Variants in DLGAP1 observed in about 807,000 individuals in gnomAD.
DLGAP1 encodes the protein DLG associated protein 1.
A neutral mutation model predicts 90.8 loss-of-function variants in DLGAP1; 11 were observed. The observed-to-expected ratio is 0.12, with a 90% CI of 0.08 to 0.20. The LOEUF is 0.20. Ranked by LOEUF, DLGAP1 falls within the 10% of genes least tolerant of loss-of-function variation. The pLI is 1.00. For synonymous variants in DLGAP1, 558 were observed against 540.7 expected, an observed-to-expected ratio of 1.03 and a Z score of -0.44; for missense variants, 1,050 against 1,333.8, an observed-to-expected ratio of 0.79 and a Z score of 3.31.
intron 1 of DLGAP1, among the ~76,000 whole-genome samples, chr18:4,247,648 GCGCCTGTAAT>G (rs1411904210): frequency 2.6e-5 from 4 of 152,148 alleles, no homozygotes; most frequent in Non-Finnish European, 5.9e-5. Flanking sequence ...GTGGTGGCAG[GCGCCTGTAAT>G]CCCAGCTACT....
chr18:3,720,889 A>C lies in DLGAP1; in HGVS notation c.1591+8246T>G, dbSNP rs113841542. On this transcript the variant is annotated intron_variant, in intron 7 of 12. Coordinates refer to ENST00000315677, the MANE Select transcript of DLGAP1 (RefSeq NM_004746.4). ...CAACATACTAAGACCTTGTCTCTACAAAAAAAAAAAAAAAAAAAAATTAGC... is the reference window on the plus strand; with the variant it reads ...CAACATACTAAGACCTTGTCTCTACCAAAAAAAAAAAAAAAAAAAATTAGC... 2.2e-3 allele frequency among the ~76,000 whole-genome samples: 201 copies of C among 91,472 alleles called. 6 individuals are homozygous for C. The highest frequency in any genetic ancestry group is 0.012 in the African/African-American group (161 of 13,660). The allele number at this position is 91,472 out of a possible 152,430, so 60.0% of individuals were successfully genotyped here. A position where few individuals can be genotyped will look rare whatever the true frequency, so the allele number is the denominator to read the frequency against.
chr18:4,036,573 C>T lies in DLGAP1; in HGVS notation c.-158-31372G>A, dbSNP rs1463276005. On this transcript the variant is annotated intron_variant, in intron 2 of 12. Coordinates refer to ENST00000315677, the MANE Select transcript of DLGAP1 (RefSeq NM_004746.4). ...ACTTCACAGATTCTTTGCCAAGACA[C>T]GTGATTACTTGCATCACTGAACATG... is the stretch of plus-strand genomic sequence containing the variant. 4.6e-5 allele frequency among the ~76,000 whole-genome samples: 7 copies of T among 152,170 alleles called. 1 individual carries two copies. The highest frequency in any genetic ancestry group is 3.9e-4 in the Admixed American group (6 of 15,272).
At chr18:4,322,042 AT>A (rs1002840633) in intron 1 of DLGAP1, among the ~76,000 whole-genome samples, 93 of 152,150 alleles carry the variant, frequency 6.1e-4, no homozygotes, top group African/African-American at 2.1e-3. Context: ...TCTACTAAAA[AT>A]ACAAAATTTA....
intron 4 of DLGAP1, chr18:3,821,866 A>G (rs1168682345): frequency 2.0e-6 from 2 of 976,658 alleles, no homozygotes; most frequent in Non-Finnish European, 1.2e-6. Flanking sequence ...AAGCACTTTT[A>G]GTGGGCTCTC....
chr18:3,520,390 A>G (rs1298968138), intron 10 of DLGAP1, among the ~76,000 whole-genome samples: 1 of 152,074 alleles, frequency 6.6e-6, no homozygotes, highest in Non-Finnish European at 1.5e-5. Context: ...GCTAACATAA[A>G]ATTCCTCTTC....
chr18:3,563,308 G>T (rs185984378), intron 9 of DLGAP1, among the ~76,000 whole-genome samples: 3 of 152,184 alleles, frequency 2.0e-5, no homozygotes, highest in Non-Finnish European at 4.4e-5. Context: ...TGAATCTGAG[G>T]TGTCTGACAT....
intron 1 of DLGAP1, among the ~76,000 whole-genome samples, chr18:4,188,339 C>T (rs1598580013): frequency 6.6e-6 from 1 of 152,156 alleles, no homozygotes; most frequent in South Asian, 2.1e-4. Flanking sequence ...TTCCGGGATA[C>T]ATGTGCAGAA....
rs187229736 is a variant in DLGAP1 at position 4,177,482 on chromosome 18, T to C, written c.-266-26195A>G. ...TCTTTTTTTGTTTTAACTTTTATTT[T>C]AGGTTCAGGGATGCATTTGCAGGTT... On this transcript the variant is annotated intron_variant, in intron 1 of 12. Coordinates refer to ENST00000315677, the MANE Select transcript of DLGAP1 (RefSeq NM_004746.4). 7.3e-3 allele frequency among the ~76,000 whole-genome samples: 1,108 copies of C among 152,212 alleles called. 18 individuals carry two copies. The highest frequency in any genetic ancestry group is 7.4e-3 in the Non-Finnish European group (500 of 68,008).
chr18:3,705,800 A>T (rs1268496362), intron 7 of DLGAP1, among the ~76,000 whole-genome samples: 1 of 151,704 alleles, frequency 6.6e-6, no homozygotes. Flanking sequence ...CTGGGATCAC[A>T]GGCCTGTGCT....
intron 5 of DLGAP1, among the ~76,000 whole-genome samples, chr18:3,813,487 A>G (rs1455694051): frequency 2.0e-5 from 3 of 152,184 alleles, no homozygotes; most frequent in Non-Finnish European, 4.4e-5. Context: ...GTATGACTAT[A>G]TTTATATTTG....
At chr18:4,299,104 A>AAAAAAAAC (rs1555779074) in intron 1 of DLGAP1, among the ~76,000 whole-genome samples, 42 of 131,748 alleles carry the variant, frequency 3.2e-4, no homozygotes, top group Non-Finnish European at 4.3e-4. Flanking sequence ...AAAAAAAAAA[A>AAAAAAAAC]AAAAAATAGA....
intron 2 of DLGAP1, among the ~76,000 whole-genome samples, chr18:4,120,931 G>A (rs2076143931): frequency 6.6e-6 from 1 of 152,182 alleles, no homozygotes. Flanking sequence ...CAGAGAACAA[G>A]GTAGACACAG....
intron 4 of DLGAP1, among the ~76,000 whole-genome samples, chr18:3,846,901 T>C (rs976978972): frequency 1.3e-5 from 2 of 152,162 alleles, no homozygotes; most frequent in Admixed American, 1.3e-4. Context: ...TGTGAACACA[T>C]TAAACCCATT....
intron 1 of DLGAP1, among the ~76,000 whole-genome samples, chr18:4,263,026 G>A (rs1457595517): frequency 2.6e-5 from 4 of 151,938 alleles, no homozygotes; most frequent in South Asian, 2.1e-4. Context: ...TCTGCCTCCC[G>A]TGTTCAAGCG....
chr18:4,053,265 A>G (rs1396578805), intron 2 of DLGAP1, among the ~76,000 whole-genome samples: 1 of 152,184 alleles, frequency 6.6e-6, no homozygotes, highest in Non-Finnish European at 1.5e-5. Flanking sequence ...GAAACTTATA[A>G]TCATGGTAGA....
chr18:4,043,058 A>C (rs2149152350), intron 2 of DLGAP1, among the ~76,000 whole-genome samples: 1 of 152,376 alleles, frequency 6.6e-6, no homozygotes, highest in African/African-American at 2.4e-5. Context: ...CTCAGACGTA[A>C]TTTAGGTTTT....
At chr18:3,867,095 G>A (rs756660169) in intron 4 of DLGAP1, among the ~76,000 whole-genome samples, 3 of 152,088 alleles carry the variant, frequency 2.0e-5, no homozygotes, top group African/African-American at 7.2e-5. Context: ...CTCGTGATCC[G>A]CCCGCCTTGG....
At chr18:4,380,445 G>C (rs1359836471) in intron 1 of DLGAP1, among the ~76,000 whole-genome samples, 1 of 152,110 alleles carries the variant, frequency 6.6e-6, no homozygotes, top group Non-Finnish European at 1.5e-5. Context: ...AGAAGAAAGG[G>C]AGTCAGATAT....
intron 1 of DLGAP1, among the ~76,000 whole-genome samples, chr18:4,289,690 C>A (rs2079798003): frequency 6.6e-6 from 1 of 151,950 alleles, no homozygotes. Flanking sequence ...AATTAGAAAG[C>A]AAAATGAGGA....
Sources: gnomAD v4.1 joint callset for allele counts (sites outside exome capture counted in the v4.1 genomes callset) on GRCh38, gnomAD v4.1.1 for gene constraint, MANE v1.5 for transcripts, NCBI Gene and HGNC (gene_info 2026-07-23, HGNC 2026-07-21) for gene names.